SORT1: variants seen among roughly 807,000 people sequenced by gnomAD.
SORT1 encodes sortilin.
A neutral mutation model predicts 101.7 loss-of-function variants in SORT1; 39 were observed. The observed-to-expected ratio is 0.38, with a 90% CI of 0.30 to 0.50. The LOEUF (loss-of-function observed/expected upper bound fraction) is 0.50. SORT1 is among the 20% of genes least tolerant of loss of function. The pLI, the probability that SORT1 is intolerant of heterozygous loss-of-function variation, is 0.90. For missense variants in SORT1, 878 were observed against 1,040.4 expected, an observed-to-expected ratio of 0.84 and a Z score of 2.15; for synonymous variants, 396 against 393.7, an observed-to-expected ratio of 1.01 and a Z score of -0.07.
intron 1 of SORT1, chr1:109,392,938 T>TG: frequency 1.3e-5 from 13 of 985,272 alleles, no homozygotes; most frequent in Non-Finnish European, 1.6e-5. Flanking sequence ...GCTAGACGGC[T>TG]GGGGGTGCTA....
chr1:109,326,428 AAT>A (rs1166570516), intron 13 of SORT1, among the ~76,000 whole-genome samples: 1,592 of 70,880 alleles, frequency 0.022, 18 homozygotes, highest in African/African-American at 0.027. Context: ...AGACAGAAAG[AAT>A]ATATATATAT....
intron 3 of SORT1, 97 bp from the exon 4 acceptor site, chr1:109,355,566 C>T: frequency 1.5e-6 from 1 of 647,896 alleles, no homozygotes; most frequent in East Asian, 2.9e-5. Context: ...ACCAATCATG[C>T]TGAGAGACTC....
chr1:109,360,724 A>G (rs1451218558), intron 3 of SORT1, among the ~76,000 whole-genome samples: 2 of 152,130 alleles, frequency 1.3e-5, no homozygotes, highest in Non-Finnish European at 2.9e-5. Context: ...TCCTCTTCCC[A>G]GACACGCTGG....
intron 8 of SORT1, among the ~76,000 whole-genome samples, chr1:109,343,534 T>A (rs948755036): frequency 6.6e-6 from 1 of 152,234 alleles, no homozygotes; most frequent in Non-Finnish European, 1.5e-5. Context: ...CCAGAAGGTA[T>A]CATCTGGTCA....
rs756470785 is a variant in SORT1 at position 109,340,803 on chromosome 1, G to A, written c.1185C>T (p.Tyr395=). The A allele has an allele frequency of 5.0e-6, 8 of 1,614,128 alleles. No homozygotes were observed. The South Asian group carries it at 5.5e-5, about 11-fold the overall frequency. Residue 395 remains tyrosine (Y), a synonymous_variant, in exon 10 of 20, where the codon TAC becomes TAT. Transcript: ENST00000256637. ...AGTCCGTCTCTCCGCCTGTGGTAGT[G>A]TAGAGATGTCGGTCCAAAGACTTGG... is the stretch of plus-strand genomic sequence containing the variant. The part of the protein sequence containing the change: ...VYSKSLDRHL[Y]TTTGGETDFT...
intron 3 of SORT1, 112 bp from the exon 4 acceptor site, chr1:109,355,581 C>T (rs570045161): frequency 1.6e-6 from 1 of 616,448 alleles, no homozygotes; most frequent in East Asian, 2.9e-5. Context: ...AGACTCGGCT[C>T]ACCCTGAATA....
At chr1:109,320,025 GGTAAAGCT>G (rs1328465977) in intron 15 of SORT1, among the ~76,000 whole-genome samples, 94 of 152,208 alleles carry the variant, frequency 6.2e-4, no homozygotes, top group Middle Eastern at 6.8e-3. Context: ...CCTTGGCATT[GGTAAAGCT>G]GCACTCATCT....
intron 1 of SORT1, among the ~76,000 whole-genome samples, chr1:109,387,070 C>T (rs1354530975): frequency 5.9e-5 from 9 of 152,164 alleles, no homozygotes; most frequent in Non-Finnish European, 1.3e-4. Context: ...GCAGGCAGAT[C>T]ACCTGAGGTC....
At chr1:109,378,608 C>T (rs889439112) in intron 1 of SORT1, among the ~76,000 whole-genome samples, 6 of 147,938 alleles carry the variant, frequency 4.1e-5, no homozygotes, top group African/African-American at 7.5e-5. Context: ...ACAGTATTAC[C>T]GAAGAATGTT....
chr1:109,317,968 C>T lies in SORT1; in HGVS notation c.2026G>A (p.Asp676Asn). 1 of 1,601,480 alleles carries T rather than the reference C, an allele frequency of 6.2e-7. No homozygotes were observed. The highest frequency in any genetic ancestry group is 1.1e-5 in the South Asian group (1 of 90,810). The change falls in exon 16 of 20, where the codon GAT becomes AAT. Residue 676 changes from aspartate to asparagine, a missense_variant and splice_region_variant. Transcript: ENST00000256637. ...TTTTCTGGACGGTAGTAGCCAAAAT[C>T]ACTGCAAGAGTCAGCAAATAAAGTA... ...CLCSLEDFLC[D>N]FGYYRPENDS...
intron 6 of SORT1, among the ~76,000 whole-genome samples, chr1:109,348,468 TTTTTAG>T (rs1454982131): frequency 6.6e-6 from 1 of 152,104 alleles, no homozygotes; most frequent in Admixed American, 6.5e-5. Flanking sequence ...TTAAAATAAC[TTTTTAG>T]TTTTAAAGAT....
intron 18 of SORT1, 69 bp from the exon 19 acceptor site, chr1:109,314,453 C>CT: frequency 6.4e-7 from 1 of 1,565,778 alleles, no homozygotes; most frequent in Non-Finnish European, 8.7e-7. Flanking sequence ...GGACTGTGGA[C>CT]TTTCTCAGTT....
rs373641666 is a variant in SORT1, at chr1:109,363,067, A to G, written c.440+4341T>C. ...TTGACTATGTAATATATTTTAATGC[A>G]AAACCTCTTAATAGGGAAATTTGAG... is the stretch of plus-strand genomic sequence containing the variant. On this transcript the variant is annotated intron_variant, in intron 3 of 19. Transcript: ENST00000256637. 3.3e-5 allele frequency among the ~76,000 whole-genome samples: 5 copies of G among 152,314 alleles called. No homozygotes were observed. The East Asian group carries it at 9.6e-4, about 29-fold the overall frequency.
intron 11 of SORT1, 94 bp from the exon 12 acceptor site, chr1:109,327,695 T>A: frequency 1.3e-6 from 1 of 747,170 alleles, no homozygotes; most frequent in Non-Finnish European, 2.1e-6. Flanking sequence ...AGCTTTAAGT[T>A]AACCCAGACC....
At chr1:109,329,773 T>G (rs1267465825) in intron 11 of SORT1, among the ~76,000 whole-genome samples, 1 of 152,158 alleles carries the variant, frequency 6.6e-6, no homozygotes, top group Admixed American at 6.5e-5. Context: ...AGTAAGGGAC[T>G]TCAATACTTA....
At chr1:109,379,302 TA>T (rs796325806) in intron 1 of SORT1, among the ~76,000 whole-genome samples, 2,713 of 141,546 alleles carry the variant, frequency 0.019, 59 homozygotes, top group African/African-American at 0.06. Flanking sequence ...GCTAATTAGC[TA>T]AAAAAAAAAA....
chr1:109,317,225 CA>C (rs910172728), intron 16 of SORT1, among the ~76,000 whole-genome samples: 15 of 152,138 alleles, frequency 9.9e-5, no homozygotes, highest in Non-Finnish European at 1.8e-4. Context: ...AATCTGACCC[CA>C]AAAAAGCTCA....
chr1:109,312,524 A>AC lies in SORT1; in HGVS notation c.*1518_*1519insG, dbSNP rs1461192771. The AC allele has an allele frequency of 6.6e-6, 1 of 152,362 alleles. No homozygotes were observed. Among genetic ancestry groups the AC allele is most frequent in the African/African-American group, 2.4e-5 (1 of 41,392 alleles). 9.4% of individuals were successfully genotyped at this position (152,362 alleles called of 1,614,324 possible). On this transcript the variant is annotated 3_prime_UTR_variant, in exon 20 of 20. Coordinates refer to ENST00000256637, the MANE Select transcript of SORT1 (RefSeq NM_002959.7). ...TTTGGCACTTCAAATAAAAAAAAAAAAAAACACACAAAACTGACTTTCTAG... is the reference window on the plus strand; with the variant it reads ...TTTGGCACTTCAAATAAAAAAAAAAACAAAACACACAAAACTGACTTTCTAG...
At chr1:109,358,847 C>T (rs999357277) in intron 3 of SORT1, among the ~76,000 whole-genome samples, 6 of 147,478 alleles carry the variant, frequency 4.1e-5, no homozygotes, top group Non-Finnish European at 7.4e-5. Context: ...AGTGAGACTC[C>T]GTCTTAAAAA....
Sources: gnomAD v4.1 joint callset for allele counts (sites outside exome capture counted in the v4.1 genomes callset) on GRCh38, gnomAD v4.1.1 for gene constraint, MANE v1.5 for transcripts, NCBI Gene and HGNC (gene_info 2026-07-23, HGNC 2026-07-21) for gene names.